The following ITGA1 variants were observed in gnomAD, a reference collection of about 807,000 sequenced individuals.
ITGA1 encodes integrin subunit alpha 1.
In ITGA1, 85 loss-of-function variants were observed where a neutral mutation model predicts 145.9. The ratio of observed to expected loss-of-function variants is 0.58; its 90% CI spans 0.49 to 0.70. The LOEUF (loss-of-function observed/expected upper bound fraction) is 0.70. Ranked by LOEUF, ITGA1 falls within the 30% of genes least tolerant of loss-of-function variation. The pLI, the probability that ITGA1 is intolerant of heterozygous loss-of-function variation, is 0.00. For missense variants in ITGA1, 1,351 were observed against 1,418.7 expected (o/e 0.95, Z 0.77); for synonymous variants, 520 against 495.3 (o/e 1.05, Z -0.66).
chr5:52,953,909 A>C lies in ITGA1; in HGVS notation c.*1458A>C, dbSNP rs1002885233. ...GAAACTCCTGGGCTCTGCTTTGTTC[A>C]AAGAGGAGCAAATCCACATAGAAAT... On this transcript the variant is annotated 3_prime_UTR_variant, in exon 29 of 29. Coordinates refer to ENST00000282588, the MANE Select transcript of ITGA1 (RefSeq NM_181501.2). 6.6e-6 allele frequency: 1 copy of C among 152,106 alleles called. No homozygotes were observed. Among genetic ancestry groups the C allele is most frequent in the African/African-American group, 2.4e-5 (1 of 41,404 alleles). 9.4% of individuals were successfully genotyped at this position (152,106 alleles called of 1,614,324 possible).
intron 2 of ITGA1, among the ~76,000 whole-genome samples, chr5:52,854,034 C>T (rs1289072185): frequency 6.6e-6 from 1 of 152,116 alleles, no homozygotes; most frequent in East Asian, 1.9e-4. Flanking sequence ...GTGTGCCTAC[C>T]CTTTTAACTG....
intron 1 of ITGA1, among the ~76,000 whole-genome samples, chr5:52,808,510 C>T (rs977551133): frequency 6.6e-5 from 10 of 152,058 alleles, no homozygotes; most frequent in Admixed American, 6.6e-4. Flanking sequence ...TTGACTAGAA[C>T]TTTTTGTTTG....
intron 1 of ITGA1, among the ~76,000 whole-genome samples, chr5:52,827,915 A>T (rs1748994478): frequency 6.6e-6 from 1 of 152,216 alleles, no homozygotes; most frequent in African/African-American, 2.4e-5. Context: ...AAAAATTTGC[A>T]TCACTTGCTT....
In ITGA1 at chr5:52,877,820, A is replaced by T. The variant is rs371830054; in HGVS notation, c.625-4053A>T. Among the ~76,000 whole-genome samples the T allele has an allele frequency of 3.3e-4, 51 of 152,262 alleles. No homozygotes were observed. The South Asian group carries it at 4.4e-3, about 13-fold the overall frequency. The stretch of plus-strand genomic sequence containing the variant: ...AAGCCAAGAACCCTTGTGGGCTGAG[A>T]CCCATTTTGGGGCTCACCTGTCCTG... On this transcript the variant is annotated intron_variant, in intron 6 of 28. Transcript: ENST00000282588.
chr5:52,799,589 AACT>A (rs1446694266), intron 1 of ITGA1, among the ~76,000 whole-genome samples: 1 of 152,192 alleles, frequency 6.6e-6, no homozygotes, highest in Non-Finnish European at 1.5e-5. Flanking sequence ...CAGACACGGT[AACT>A]AGGCGCAGAA....
At chr5:52,832,965 G>T (rs1338654749) in intron 1 of ITGA1, among the ~76,000 whole-genome samples, 4 of 151,998 alleles carry the variant, frequency 2.6e-5, no homozygotes, top group Non-Finnish European at 2.9e-5. Context: ...GCCAAGGTGT[G>T]TAGATCATTT....
Position 52,912,711 on chromosome 5 carries a change from A to AGTGTGT in ITGA1, c.1857+2317_1857+2322dup, listed in dbSNP as rs67318879. Among the ~76,000 whole-genome samples the AGTGTGT allele has an allele frequency of 6.8e-5, 9 of 132,372 alleles. No homozygotes were observed. In the East Asian group the frequency reaches 1.3e-3, roughly 19 times the overall value. The allele number at this position is 132,372 out of a possible 152,430, so 86.8% of individuals were successfully genotyped here. On this transcript the variant is annotated intron_variant, in intron 14 of 28. Transcript: ENST00000282588. ...GTGTATATAGATACACTATATATAT[A>AGTGTGT]GTGTGTGTGTGTGTGTGTGTGTGTG...
chr5:52,814,057 T>G (rs1748725626), intron 1 of ITGA1, among the ~76,000 whole-genome samples: 1 of 152,202 alleles, frequency 6.6e-6, no homozygotes, highest in South Asian at 2.1e-4. Flanking sequence ...CTCCAGATCC[T>G]GATGACATAT....
chr5:52,809,526 A>G (rs1348714846), intron 1 of ITGA1, among the ~76,000 whole-genome samples: 2 of 135,540 alleles, frequency 1.5e-5, no homozygotes, highest in African/African-American at 5.6e-5. Flanking sequence ...TTTTTTGGAG[A>G]CAAGAGTCTT....
intron 1 of ITGA1, among the ~76,000 whole-genome samples, chr5:52,835,304 T>C (rs1749146078): frequency 1.3e-5 from 2 of 152,180 alleles, no homozygotes; most frequent in South Asian, 4.1e-4. Flanking sequence ...AGGAGACTAG[T>C]ACATGTAAAC....
intron 14 of ITGA1, among the ~76,000 whole-genome samples, chr5:52,911,906 G>T (rs1750550932): frequency 3.1e-5 from 3 of 98,234 alleles, no homozygotes; most frequent in African/African-American, 1.1e-4. Context: ...CTAATATATA[G>T]ATATATATAT....
At chr5:52,822,654 C>T (rs17211038) in intron 1 of ITGA1, among the ~76,000 whole-genome samples, 22,967 of 152,244 alleles carry the variant, frequency 0.15, 1,775 homozygotes, top group Middle Eastern at 0.26. Flanking sequence ...ATTGTAGCCT[C>T]TACCCTTGAC....
chr5:52,800,743 T>A (rs1326710234), intron 1 of ITGA1: 6 of 1,613,946 alleles, frequency 3.7e-6, no homozygotes, highest in Non-Finnish European at 1.7e-6. Context: ...CAAGAAGCAG[T>A]GGGATAGTGT....
chr5:52,789,556 A>G (rs980423569), intron 1 of ITGA1, among the ~76,000 whole-genome samples: 6 of 152,186 alleles, frequency 3.9e-5, no homozygotes, highest in Admixed American at 3.9e-4. Flanking sequence ...AGAGTTAATA[A>G]TTAGCTACTG....
chr5:52,835,018 A>G (rs547234328), intron 1 of ITGA1, among the ~76,000 whole-genome samples: 1 of 152,186 alleles, frequency 6.6e-6, no homozygotes, highest in Non-Finnish European at 1.5e-5. Context: ...AGGCATTCTG[A>G]GTTGAATCAG....
At chr5:52,790,614 C>T (rs1748219434) in intron 1 of ITGA1, among the ~76,000 whole-genome samples, 1 of 152,226 alleles carries the variant, frequency 6.6e-6, no homozygotes, top group African/African-American at 2.4e-5. Context: ...GATCTTCCCC[C>T]ATGACTCTGC....
intron 1 of ITGA1, among the ~76,000 whole-genome samples, chr5:52,795,745 G>C (rs1372365053): frequency 6.6e-6 from 1 of 151,874 alleles, no homozygotes. Context: ...CATTTTTAGA[G>C]CTCTATAATT....
rs1457484953 is a variant in ITGA1, at chr5:52,828,607, A to G, written c.62-20758A>G. ...CTAGGTCTGGGTGATGGTTTCATGG[A>G]TGTGTTCACTTTGTGATAATTTGTG... On this transcript the variant is annotated intron_variant, in intron 1 of 28. Transcript: ENST00000282588. 4.6e-5 allele frequency among the ~76,000 whole-genome samples: 7 copies of G among 152,270 alleles called. No individual in the cohort carries two copies. The East Asian group carries it at 1.4e-3, about 29-fold the overall frequency.
In ITGA1 at chr5:52,857,594, C is replaced by A. The variant is rs145428651; in HGVS notation, c.183-3853C>A. Among the ~76,000 whole-genome samples the A allele has an allele frequency of 2.0e-4, 30 of 152,174 alleles. No homozygotes were observed. In the East Asian group the frequency reaches 5.0e-3, roughly 25 times the overall value. ...TTGCCTCCTATTCTTTATATTGTTTCCTTCTTTGGTTTCTGTGACACTGCT... is the reference window on the plus strand; with the variant it reads ...TTGCCTCCTATTCTTTATATTGTTTACTTCTTTGGTTTCTGTGACACTGCT... On this transcript the variant is annotated intron_variant, in intron 2 of 28. Coordinates refer to ENST00000282588, the MANE Select transcript of ITGA1 (RefSeq NM_181501.2).
Sources: gnomAD v4.1 joint callset for allele counts (sites outside exome capture counted in the v4.1 genomes callset) on GRCh38, gnomAD v4.1.1 for gene constraint, MANE v1.5 for transcripts, NCBI Gene and HGNC (gene_info 2026-07-23, HGNC 2026-07-21) for gene names.